Variants in ZNF730 observed in about 807,000 individuals in gnomAD.
ZNF730 encodes the protein zinc finger protein 730.
ZNF730 carries 12 observed loss-of-function variants against 12.6 expected under a neutral mutation model. The observed-to-expected ratio is 0.95, with a 90% CI of 0.61 to 1.54. ZNF730 has a LOEUF of 1.54. Among genes scored for constraint, ZNF730 ranks in the 40% most tolerant of loss-of-function variants. The probability of loss-of-function intolerance (pLI) is 0.00; values close to 1 mark genes in which losing one functional copy is unlikely to be tolerated. For synonymous variants in ZNF730, 194 were observed against 195.8 expected (o/e 0.99, Z 0.08); for missense variants, 643 against 583.5 (o/e 1.10, Z -1.05).
chr19:23,135,876 C>T, intron 2 of ZNF730, 72 bp from the exon 3 acceptor site: 1 of 1,368,068 alleles, frequency 7.3e-7, no homozygotes, highest in Admixed American at 2.0e-5. Flanking sequence ...ATTACATTCT[C>T]TTTACTGAGA....
intron 1 of ZNF730, chr19:23,127,880 A>G (rs964916236): frequency 1.5e-6 from 1 of 664,586 alleles, no homozygotes; most frequent in Non-Finnish European, 2.7e-6. Flanking sequence ...GTGATATTAC[A>G]CACAGCATAT....
At chr19:23,140,412 C>T (rs1055633815) in intron 3 of ZNF730, among the ~76,000 whole-genome samples, 1 of 147,482 alleles carries the variant, frequency 6.8e-6, no homozygotes, top group Non-Finnish European at 1.5e-5. Context: ...GAGTATGAGA[C>T]CAGCCTGGCC....
chr19:23,110,008 C>A (rs1169464923), intron 1 of ZNF730, among the ~76,000 whole-genome samples: 2 of 150,950 alleles, frequency 1.3e-5, no homozygotes, highest in African/African-American at 4.9e-5. Context: ...CTTTTGTTGC[C>A]CAGGCTAGGG....
At chr19:23,090,147 G>A (rs916165840) in intron 1 of ZNF730, among the ~76,000 whole-genome samples, 26 of 152,214 alleles carry the variant, frequency 1.7e-4, no homozygotes, top group African/African-American at 5.8e-4. Context: ...TTGGGAGGCC[G>A]AGGCAGGAGA....
chr19:23,123,417 A>T, intron 1 of ZNF730: 1 of 152,378 alleles, frequency 6.6e-6, no homozygotes, highest in Non-Finnish European at 1.5e-5. Flanking sequence ...AAAACTACAA[A>T]AAATTAGCCA....
At chr19:23,084,154 C>G (rs1199500972) in intron 1 of ZNF730, among the ~76,000 whole-genome samples, 3 of 152,044 alleles carry the variant, frequency 2.0e-5, no homozygotes, top group Non-Finnish European at 1.5e-5. Flanking sequence ...TTGATTTTCC[C>G]TGCCATTTGT....
chr19:23,121,961 T>A (rs897017200), intron 1 of ZNF730, among the ~76,000 whole-genome samples: 6 of 152,156 alleles, frequency 3.9e-5, no homozygotes, highest in African/African-American at 1.4e-4. Context: ...TAGAAATATA[T>A]GTAAATCATA....
At chr19:23,113,034 CT>C (rs1207943178), upstream of ZNF730, among the ~76,000 whole-genome samples, 3 of 152,124 alleles carry the variant, frequency 2.0e-5, no homozygotes, top group South Asian at 4.1e-4. Flanking sequence ...ACACAATAGA[CT>C]TTAAATTTTT....
At chr19:23,104,663 G>C (rs1191495812) in intron 1 of ZNF730, among the ~76,000 whole-genome samples, 2 of 152,144 alleles carry the variant, frequency 1.3e-5, no homozygotes, top group East Asian at 3.8e-4. Flanking sequence ...TTTAGCAACA[G>C]GATGCAACTG....
At chr19:23,121,924 TA>T (rs1434211313) in intron 1 of ZNF730, among the ~76,000 whole-genome samples, 3 of 152,166 alleles carry the variant, frequency 2.0e-5, no homozygotes, top group African/African-American at 7.2e-5. Context: ...ACATTTAGAT[TA>T]CACGTAGATA....
intron 1 of ZNF730, among the ~76,000 whole-genome samples, chr19:23,091,559 G>A (rs903880739): frequency 2.0e-5 from 3 of 152,214 alleles, no homozygotes; most frequent in Non-Finnish European, 4.4e-5. Context: ...GAGCTGTTCC[G>A]GATCATGGGA....
chr19:23,127,151 ATGTT>A, intron 1 of ZNF730: 1 of 521,870 alleles, frequency 1.9e-6, no homozygotes, highest in South Asian at 1.6e-5. Context: ...TCTAAAAGAA[ATGTT>A]TGTTCATGCT....
chr19:23,138,009 C>CCATGTAGGTAGA lies in ZNF730; in HGVS notation c.226+1966_226+1967insCATGTAGGTAGA, dbSNP rs1970857895. ...GATGAAAATGGCTTTCACGGCCGGG[C>CCATGTAGGTAGA]GCGGTGGCTCACGCCTGTAATCCCA... On this transcript the variant is annotated intron_variant, in intron 3 of 3. Transcript: ENST00000597761. Among the ~76,000 whole-genome samples, 309 of 73,764 alleles carry CCATGTAGGTAGA rather than the reference C, an allele frequency of 4.2e-3. 4 individuals carry two copies. The highest frequency in any genetic ancestry group is 7.5e-3 in the East Asian group (11 of 1,462). 48.4% of individuals were successfully genotyped at this position (73,764 alleles called of 152,430 possible).
In ZNF730 at chr19:23,146,249, G is replaced by A. The variant is rs1347520373; in HGVS notation, c.1205G>A (p.Gly402Asp). Residue 402 changes from glycine to aspartate, a missense_variant, in exon 4 of 4, where the codon GGC (glycine) becomes GAC (aspartate). Coordinates refer to ENST00000597761, the MANE Select transcript of ZNF730 (RefSeq NM_001277403.2). ...AAATTTTACAAATGTGAAGAATGTG[G>A]CAAAGCCTTTAGCCGTATCTCACAC... ...VEKFYKCEEC[G>D]KAFSRISHLT... 2 of 1,613,328 alleles carry A rather than the reference G, an allele frequency of 1.2e-6. No homozygotes were observed. The highest frequency in any genetic ancestry group is 2.2e-5 in the South Asian group (2 of 91,038).
intron 1 of ZNF730, among the ~76,000 whole-genome samples, chr19:23,125,079 G>A (rs10405363): frequency 0.98 from 149,655 of 152,266 alleles, 73,582 homozygotes; most frequent in Middle Eastern, 1. Flanking sequence ...ACAAGCTCTC[G>A]TTTTGCTTGC....
At chr19:23,122,473 G>A (rs1307159225) in intron 1 of ZNF730, among the ~76,000 whole-genome samples, 1 of 152,108 alleles carries the variant, frequency 6.6e-6, no homozygotes, top group Non-Finnish European at 1.5e-5. Context: ...GCACACAAAA[G>A]TTGAGCACAA....
In ZNF730 at chr19:23,099,414, G is replaced by T. The variant is rs796949726; in HGVS notation, c.-94+24027G>T. 3.8e-4 allele frequency among the ~76,000 whole-genome samples: 58 copies of T among 152,266 alleles called. 1 individual carries two copies. The highest frequency in any genetic ancestry group is 1.3e-3 in the African/African-American group (55 of 41,558). ...CAGGGCCAAGCACAGAGGTGAGATT[G>T]TGACCCTCATATTCACAACCAGTCA... is the stretch of plus-strand genomic sequence containing the variant. On this transcript the variant is annotated intron_variant, in intron 1 of 2. Coordinates refer to the ZNF730 transcript ENST00000593635.
intron 1 of ZNF730, among the ~76,000 whole-genome samples, chr19:23,111,206 T>C (rs567590480): frequency 6.6e-6 from 1 of 152,320 alleles, no homozygotes; most frequent in African/African-American, 2.4e-5. Flanking sequence ...ATTTTTTTTG[T>C]CAAGCATATA....
intron 1 of ZNF730, among the ~76,000 whole-genome samples, chr19:23,104,357 A>G (rs1280238037): frequency 1.3e-5 from 2 of 151,794 alleles, no homozygotes; most frequent in Non-Finnish European, 2.9e-5. Flanking sequence ...ATGTTCACAA[A>G]TATCAAGCAA....
Sources: allele counts gnomAD v4.1 joint callset (sites outside exome capture counted in the v4.1 genomes callset), GRCh38; gene constraint gnomAD v4.1.1; transcripts MANE v1.5; gene names NCBI Gene and HGNC (gene_info 2026-07-23, HGNC 2026-07-21).